Variants in NEDD9 observed in about 807,000 individuals in gnomAD.
The protein encoded by NEDD9 is neural precursor cell expressed, developmentally down-regulated 9, also known as enhancer of filamentation 1.
NEDD9 carries 26 observed loss-of-function variants against 76.6 expected under a neutral mutation model. That is an observed-to-expected ratio of 0.34 (90% CI 0.25 to 0.47). NEDD9 has a LOEUF of 0.47. NEDD9 is among the 20% of genes least tolerant of loss of function. The pLI is 1.00. For synonymous variants in NEDD9, 392 were observed against 414.2 expected (o/e 0.95, Z 0.65); for missense variants, 937 against 1,058.5 (o/e 0.89, Z 1.59).
At chr6:11,297,903 TTTC>T (rs1354543198) in intron 3 of NEDD9, among the ~76,000 whole-genome samples, 2 of 115,736 alleles carry the variant, frequency 1.7e-5, no homozygotes, top group Non-Finnish European at 3.4e-5. Context: ...CGTATTTTTT[TTTC>T]TTTTCTTTTT....
intron 1 of NEDD9, among the ~76,000 whole-genome samples, chr6:11,343,824 A>G (rs1762318266): frequency 6.6e-6 from 1 of 152,238 alleles, no homozygotes; most frequent in South Asian, 2.1e-4. Flanking sequence ...ATTCCAATTT[A>G]CAGGGCAAGA....
intron 1 of NEDD9, among the ~76,000 whole-genome samples, chr6:11,219,862 A>G (rs1759086918): frequency 6.6e-6 from 1 of 152,222 alleles, no homozygotes; most frequent in African/African-American, 2.4e-5. Flanking sequence ...AAACATGGAT[A>G]TCTGTAAGTG....
rs767369683 is a variant in NEDD9, at chr6:11,191,076, G to T, written c.793C>A (p.Pro265Thr). Residue 265 changes from proline (P) to threonine (T), a missense_variant, in exon 5 of 7, where the codon CCA (proline) becomes ACA (threonine). Pro to Thr is a conservative substitution (Grantham distance 38). Coordinates refer to ENST00000379446, the MANE Select transcript of NEDD9 (RefSeq NM_006403.4). ...TTCCCTGCTGGCTTGGTGCAGGTTG[G>T]AGGAATGTCATAAACCCCCTCCGGT... ...LRPEGVYDIP[P>T]TCTKPAGKDL... 3.1e-6 allele frequency: 5 copies of T among 1,613,894 alleles called. No individual in the cohort carries two copies. Among genetic ancestry groups the T allele is most frequent in the Non-Finnish European group, 3.4e-6 (4 of 1,180,028 alleles).
rs570425366 is a variant in NEDD9, at chr6:11,272,260, T to C, written c.12+33732A>G. ...CACTCCCTCCACCTGCAAATCTGTC[T>C]TCGTCTATCACAAATGGTAGTTCCT... On this transcript the variant is annotated intron_variant, in intron 3 of 3. Transcript: ENST00000397378. Among the ~76,000 whole-genome samples, 5 of 152,334 alleles carry C rather than the reference T, an allele frequency of 3.3e-5. No homozygotes were observed. The South Asian group carries it at 1.0e-3, about 32-fold the overall frequency.
At chr6:11,346,501 A>C (rs1762368398) in intron 1 of NEDD9, among the ~76,000 whole-genome samples, 1 of 151,292 alleles carries the variant, frequency 6.6e-6, no homozygotes, top group Non-Finnish European at 1.5e-5. Context: ...GGTGAGTGGA[A>C]AGCCCTCTCT....
intron 3 of NEDD9, chr6:11,305,880 A>G: frequency 1.6e-6 from 2 of 1,274,146 alleles, no homozygotes; most frequent in Non-Finnish European, 2.3e-6. Flanking sequence ...TGTTAGTTGC[A>G]GGCCCGTATG....
At chr6:11,351,293 A>G (rs1358068479) in intron 1 of NEDD9, among the ~76,000 whole-genome samples, 2 of 152,106 alleles carry the variant, frequency 1.3e-5, no homozygotes, top group African/African-American at 4.8e-5. Flanking sequence ...CCCAGGCTGG[A>G]ATGTGAAGTT....
chr6:11,279,692 G>A (rs1307987863), intron 3 of NEDD9, among the ~76,000 whole-genome samples: 2 of 152,142 alleles, frequency 1.3e-5, no homozygotes, highest in African/African-American at 4.8e-5. Context: ...GGGTGGCTCA[G>A]GGCTCCCCCT....
chr6:11,272,820 T>A (rs1033690216), intron 3 of NEDD9, among the ~76,000 whole-genome samples: 1 of 152,228 alleles, frequency 6.6e-6, no homozygotes, highest in Admixed American at 6.5e-5. Context: ...TGGTCACACT[T>A]CATTGCATTC....
chr6:11,349,083 A>G (rs1210778752), intron 1 of NEDD9, among the ~76,000 whole-genome samples: 2 of 152,180 alleles, frequency 1.3e-5, no homozygotes, highest in Non-Finnish European at 2.9e-5. Flanking sequence ...TACAAGAAAA[A>G]ACAACGCCAT....
intron 3 of NEDD9, among the ~76,000 whole-genome samples, chr6:11,285,740 GCAAAGAAACTTTAGTGGAGAAACATAGT>G (rs1760634476): frequency 1.3e-5 from 2 of 152,162 alleles, no homozygotes; most frequent in Non-Finnish European, 2.9e-5. Flanking sequence ...TGACAAAGGT[GCAAAGAAACTTTAGTGGAGAAACATAGT>G]TCTTTCAACA....
In NEDD9 at chr6:11,191,142, A is replaced by C. The variant is rs144242924; in HGVS notation, c.727T>G (p.Phe243Val). Residue 243 changes from phenylalanine to valine, a missense_variant, in exon 5 of 7, where the codon TTC becomes GTC. Physicochemically the swap from Phe to Val is conservative, Grantham distance 50 (BLOSUM62 -1). Transcript: ENST00000379446. ...EAGLREKDYD[F>V]PPPMRQAGRP... ...CCAGCTTGTCTCATGGGAGGGGGGAAGTCATAGTCTTTTTCCCTAAGCCCT... is the reference window on the plus strand; with the variant it reads ...CCAGCTTGTCTCATGGGAGGGGGGACGTCATAGTCTTTTTCCCTAAGCCCT... 30 of 1,613,734 alleles carry C rather than the reference A, an allele frequency of 1.9e-5. 1 individual carries two copies. The African/African-American group carries it at 1.9e-4, about 10-fold the overall frequency.
chr6:11,221,158 A>G (rs1273628047), intron 1 of NEDD9, among the ~76,000 whole-genome samples: 4 of 152,080 alleles, frequency 2.6e-5, no homozygotes, highest in Non-Finnish European at 5.9e-5. Context: ...TGAGGTGGGC[A>G]GATTGCCTGA....
At chr6:11,233,234 T>G (rs1014639540), upstream of NEDD9, 4 of 518,862 alleles carry the variant, frequency 7.7e-6, no homozygotes, top group African/African-American at 7.7e-5. Flanking sequence ...CTTTTCAACG[T>G]TCAAAGTACT....
chr6:11,247,317 C>T (rs551934972), intron 3 of NEDD9, among the ~76,000 whole-genome samples: 43 of 152,302 alleles, frequency 2.8e-4, no homozygotes, highest in African/African-American at 5.5e-4. Context: ...TAGTTCAACA[C>T]GGAGTCCTGG....
chr6:11,214,058 C>T, intron 1 of NEDD9: 1 of 414,582 alleles, frequency 2.4e-6, no homozygotes, highest in Non-Finnish European at 4.6e-6. Flanking sequence ...CATTTTTCTT[C>T]CTTTTTCAAA....
At chr6:11,186,210 A>G (rs1033076730) in intron 6 of NEDD9, among the ~76,000 whole-genome samples, 2 of 152,154 alleles carry the variant, frequency 1.3e-5, no homozygotes, top group Non-Finnish European at 2.9e-5. Flanking sequence ...AGATTGATAG[A>G]CATGTTATGA....
In NEDD9 at chr6:11,198,001, C is replaced by G. The variant is rs1457803526; in HGVS notation, c.460-4309G>C. The stretch of plus-strand genomic sequence containing the variant: ...GTGTTCCCTGAGCTGGTACCCATAG[C>G]AGAGCAAGGGTCCTATACTCAGATG... On this transcript the variant is annotated intron_variant, in intron 2 of 6. Transcript: ENST00000379446. The surrounding 1 kb of genome is among the most constrained non-coding windows in gnomAD (Gnocchi z 4.7). 6.6e-6 allele frequency among the ~76,000 whole-genome samples: 1 copy of G among 152,084 alleles called. No homozygotes were observed. The highest frequency in any genetic ancestry group is 6.6e-5 in the Admixed American group (1 of 15,266).
chr6:11,254,245 T>A (rs569531035), intron 3 of NEDD9, among the ~76,000 whole-genome samples: 2 of 152,238 alleles, frequency 1.3e-5, no homozygotes, highest in East Asian at 3.9e-4. Context: ...CTCAAACTCC[T>A]GAGTAGCTGG....
Sources: allele counts gnomAD v4.1 joint callset (sites outside exome capture counted in the v4.1 genomes callset), GRCh38; gene constraint gnomAD v4.1.1; non-coding constraint Gnocchi (gnomAD v3.1); transcripts MANE v1.5; gene names NCBI Gene and HGNC (gene_info 2026-07-23, HGNC 2026-07-21).